SBF1: variants seen among roughly 807,000 people sequenced by gnomAD.
SBF1 encodes SET binding factor 1, also known as myotubularin-related protein 5.
In SBF1, 65 loss-of-function variants were observed where a neutral mutation model predicts 215.8. The ratio of observed to expected loss-of-function variants is 0.30; its 90% confidence interval spans 0.25 to 0.37. The LOEUF is 0.37. Among genes scored for constraint, SBF1 ranks in the 10% least tolerant of loss-of-function variants. The probability of loss-of-function intolerance (pLI) is 1.00; values close to 1 mark genes in which losing one functional copy is unlikely to be tolerated. For missense variants in SBF1, 2,634 were observed against 2,667.8 expected (o/e 0.99, Z 0.28); for synonymous variants, 1,410 against 1,122.8 (o/e 1.26, Z -5.11).
intron 1 of SBF1, 141 bp from the exon 2 acceptor site, chr22:50,468,602 C>T (rs548623475): frequency 1.2e-4 from 70 of 600,600 alleles, no homozygotes; most frequent in Non-Finnish European, 1.8e-4. Flanking sequence ...AAAATAGCTC[C>T]GTATGGAGAG....
intron 36 of SBF1, among the ~76,000 whole-genome samples, chr22:50,451,670 G>A (rs965201828): frequency 1.3e-5 from 2 of 152,012 alleles, no homozygotes; most frequent in Non-Finnish European, 2.9e-5. Flanking sequence ...AATTGCTGAA[G>A]CCAAAATTAA....
Position 50,465,845 on chromosome 22 carries a change from C to T in SBF1, c.1012-5G>A. On this transcript the variant is annotated splice_polypyrimidine_tract_variant and splice_region_variant and intron_variant, in intron 9 of 40. Coordinates refer to ENST00000380817, the MANE Select transcript of SBF1 (RefSeq NM_002972.4). ...CTCCAGCTCCGGGTCCAGGACCTGC[C>T]AGCACAGAATGGAGCAGGCAGCTGC... 6.2e-7 allele frequency: 1 copy of T among 1,613,168 alleles called. No homozygotes were observed. The highest frequency in any genetic ancestry group is 1.1e-5 in the South Asian group (1 of 91,016).
Position 50,455,025 on chromosome 22 carries a change from T to C in SBF1, c.4672A>G (p.Ile1558Val), listed in dbSNP as rs2067192337. 1.9e-6 allele frequency: 3 copies of C among 1,613,890 alleles called. No individual in the cohort carries two copies. The highest frequency in any genetic ancestry group is 1.3e-5 in the African/African-American group (1 of 74,904). The stretch of plus-strand genomic sequence containing the variant: ...CCGACTCCCCACATACCCAGCTCAA[T>C]GCGCTCATAGTCAGAGTCGAGCAGG... ...TFLLDSDYER[I>V]ELGLLYEEKG... The change falls in exon 34 of 41, where the codon ATT (isoleucine) becomes GTT (valine). Residue 1558 changes from isoleucine (I) to valine (V), a missense_variant. Transcript: ENST00000380817.
At position 50,455,487 on chromosome 22, in the gene SBF1, G is replaced by C. The variant is rs2067211942; in HGVS notation, c.4362C>G (p.Thr1454=). The C allele has an allele frequency of 6.2e-7, 1 of 1,610,020 alleles. No individual in the cohort carries two copies. The highest frequency in any genetic ancestry group is 8.5e-7 in the Non-Finnish European group (1 of 1,178,568). Residue 1454 remains threonine (T), a synonymous_variant, in exon 32 of 41, where the codon ACC becomes ACG. Transcript: ENST00000380817. ...LVGLEDGWDI[T]TQVVSLVQLL... ...AGCCCCACGCGCCACACACCTGGGT[G>C]GTGATGTCCCAGCCATCCTCCAGGC...
chr22:50,466,066 C>A lies in SBF1; in HGVS notation c.906G>T (p.Val302=), dbSNP rs1225525800. 2.5e-6 allele frequency: 4 copies of A among 1,613,736 alleles called. No homozygotes were observed. The highest frequency in any genetic ancestry group is 3.3e-5 in the Admixed American group (2 of 60,016). Residue 302 remains valine, a synonymous_variant, in exon 9 of 41, where the codon GTG becomes GTT. Transcript: ENST00000380817. ...FQAETQELLD[V]IVADLDGGTV... The stretch of plus-strand genomic sequence containing the variant: ...TCCCTCCATCCAGATCAGCAACAAT[C>A]ACATCGAGCTGCGGACCAAGGGAGC...
chr22:50,460,122 G>C lies in SBF1; in HGVS notation c.3321C>G (p.Ser1107=). ...TGCGGTCGGAGGGCTTCAGGGCTGA[G>C]GACGGGGTCAGCGTGCTGGGCTCCA... is the stretch of plus-strand genomic sequence containing the variant. ...EELEPSTLTP[S]SALKPSDRMT... is the part of the protein sequence containing the mutation. The change falls in exon 26 of 41, where the codon TCC becomes TCG. Residue 1107 remains serine, a synonymous_variant. Transcript: ENST00000380817. The C allele has an allele frequency of 6.2e-7, 1 of 1,613,052 alleles. No homozygotes were observed. Among genetic ancestry groups the C allele is most frequent in the Non-Finnish European group, 8.5e-7 (1 of 1,179,988 alleles).
chr22:50,460,351 G>A lies in SBF1; in HGVS notation c.3204C>T (p.Val1068=), dbSNP rs746128404. The A allele has an allele frequency of 1.1e-5, 18 of 1,613,514 alleles. No individual in the cohort carries two copies. The highest frequency in any genetic ancestry group is 4.5e-5 in the East Asian group (2 of 44,884). ...TGGGGGGGTTGTACTTCTTGCGAGT[G>A]ACATGCTGCCGCCCGATGGTCTTCT... ...NAKKTIGRQH[V]TRKKYNPPSW... is the part of the protein sequence containing the mutation. Residue 1068 remains valine, a synonymous_variant, in exon 25 of 41, where the codon GTC becomes GTT. Transcript: ENST00000380817.
At position 50,446,979 on chromosome 22, in the gene SBF1, C is replaced by G. The variant is rs373336150; in HGVS notation, c.*163G>C. ...GACGCCAAAATAAGTTAGGGCCGGC[C>G]GGGCGGGGCGGGGCGGGGACGGGGG... On this transcript the variant is annotated 3_prime_UTR_variant, in exon 41 of 41. Coordinates refer to ENST00000380817, the MANE Select transcript of SBF1 (RefSeq NM_002972.4). 1.1e-5 allele frequency: 8 copies of G among 720,716 alleles called. No homozygotes were observed. The highest frequency in any genetic ancestry group is 8.9e-5 in the African/African-American group (5 of 56,090). 44.6% of individuals were successfully genotyped at this position (720,716 alleles called of 1,614,324 possible). A position where few individuals can be genotyped will look rare whatever the true frequency, so the allele number is the denominator to read the frequency against.
Position 50,461,254 on chromosome 22 carries a change from C to A in SBF1, c.2872G>T (p.Val958Leu). 1 of 1,613,096 alleles carries A rather than the reference C, an allele frequency of 6.2e-7. No individual in the cohort carries two copies. The highest frequency in any genetic ancestry group is 8.5e-7 in the Non-Finnish European group (1 of 1,179,462). Residue 958 changes from valine to leucine, a missense_variant, in exon 23 of 41, where the codon GTG becomes TTG. Coordinates refer to ENST00000380817, the MANE Select transcript of SBF1 (RefSeq NM_002972.4). ...GEQVVVRSFP[V>L]AALTKEKRIS... is the part of the protein sequence containing the mutation. ...CGCTTCTCCTTGGTCAGCGCAGCCACCGGGAAGGAGCGGACCACCACCTGC... is the reference window on the plus strand; with the variant it reads ...CGCTTCTCCTTGGTCAGCGCAGCCAACGGGAAGGAGCGGACCACCACCTGC...
At position 50,465,322 on chromosome 22, in the gene SBF1, CCTT is replaced by C; in HGVS notation, c.1093_1095del (p.Lys365del). 1 of 1,586,622 alleles carries C rather than the reference CCTT, an allele frequency of 6.3e-7. No homozygotes were observed. The highest frequency in any genetic ancestry group is 8.6e-7 in the Non-Finnish European group (1 of 1,167,156). On this transcript the variant is annotated inframe_deletion, in exon 11 of 41. Transcript: ENST00000380817. Reference sequence around the variant, plus strand: ...AGCCGCAGGAAGACCGCGCGCAGCTCCTTGTCCTGGGAGAAGAGCTGAGTGCAG... The same window carrying C: ...AGCCGCAGGAAGACCGCGCGCAGCTCGTCCTGGGAGAAGAGCTGAGTGCAG...
rs182956712 is a variant in SBF1 at position 50,460,416 on chromosome 22, C to G, written c.3147-8G>C. ...AGGTTCCGGGACAGGGTTCTGAGGC[C>G]CACGAGAGTCAGCAAAGGTGAGAGG... On this transcript the variant is annotated splice_polypyrimidine_tract_variant and splice_region_variant and intron_variant, in intron 24 of 40. Transcript: ENST00000380817. 422 of 1,607,164 alleles carry G rather than the reference C, an allele frequency of 2.6e-4. 2 individuals are homozygous for G. Among genetic ancestry groups the G allele is most frequent in the East Asian group, 1.7e-3 (76 of 44,764 alleles).
At chr22:50,472,004 A>G (rs2068013391) in intron 1 of SBF1, among the ~76,000 whole-genome samples, 1 of 152,206 alleles carries the variant, frequency 6.6e-6, no homozygotes, top group Non-Finnish European at 1.5e-5. Flanking sequence ...GGCCAGATCA[A>G]ATGTGTCTCC....
rs758415526 is a variant in SBF1, at chr22:50,460,125, C to T, written c.3318G>A (p.Pro1106=). The T allele has an allele frequency of 8.7e-6, 14 of 1,612,642 alleles. No homozygotes were observed. Among genetic ancestry groups the T allele is most frequent in the African/African-American group, 5.3e-5 (4 of 74,914 alleles). The change falls in exon 26 of 41, where the codon CCG becomes CCA. Residue 1106 remains proline (P), a synonymous_variant. Coordinates refer to ENST00000380817, the MANE Select transcript of SBF1 (RefSeq NM_002972.4). ...GGTCGGAGGGCTTCAGGGCTGAGGA[C>T]GGGGTCAGCGTGCTGGGCTCCAGCT... ...SEELEPSTLT[P]SSALKPSDRM...
chr22:50,457,063 G>A lies in SBF1; in HGVS notation c.3875C>T (p.Ala1292Val). 1 of 1,473,000 alleles carries A rather than the reference G, an allele frequency of 6.8e-7. No individual in the cohort carries two copies. The highest frequency in any genetic ancestry group is 1.5e-5 in the African/African-American group (1 of 67,824). The allele number at this position is 1,473,000 out of a possible 1,614,324, so 91.2% of individuals were successfully genotyped here. Reference protein sequence around the residue: ...RVTTLSNPMAASASRRTAPRG... With the variant: ...RVTTLSNPMAVSASRRTAPRG... The stretch of plus-strand genomic sequence containing the variant: ...GGGTGCGGTCCGTCTGGAGGCCGAG[G>A]CCGCCATGGGGTTGGACAGCGTGGT... The change falls in exon 29 of 41, where the codon GCC (alanine) becomes GTC (valine). Residue 1292 changes from alanine (A) to valine (V), a missense_variant. Physicochemically the swap from Ala to Val is moderately conservative, Grantham distance 64 (BLOSUM62 0). Transcript: ENST00000380817.
At position 50,461,694 on chromosome 22, in the gene SBF1, G is replaced by C. The variant is rs1190417934; in HGVS notation, c.2668C>G (p.Leu890Val). The C allele has an allele frequency of 6.8e-6, 11 of 1,609,576 alleles. No homozygotes were observed. The highest frequency in any genetic ancestry group is 8.5e-6 in the Non-Finnish European group (10 of 1,179,028). The stretch of plus-strand genomic sequence containing the variant: ...TCCAGCACACACTCCTCACCCGGCA[G>C]CAGGCGCGGCCGCAGCAGCTTGGGC... ...QKPKLLRPRL[L>V]PGEECVLDGL... The change falls in exon 22 of 41, where the codon CTG becomes GTG. Residue 890 changes from leucine to valine, a missense_variant. Transcript: ENST00000380817.
rs9617013 is a variant in SBF1 at position 50,460,117 on chromosome 22, G to A, written c.3326C>T (p.Ala1109Val). ...LEPSTLTPSSALKPSDRMTMS... is the reference protein window; with the variant it reads ...LEPSTLTPSSVLKPSDRMTMS... Reference sequence around the variant, plus strand: ...GGTCATGCGGTCGGAGGGCTTCAGGGCTGAGGACGGGGTCAGCGTGCTGGG... The same window carrying A: ...GGTCATGCGGTCGGAGGGCTTCAGGACTGAGGACGGGGTCAGCGTGCTGGG... Residue 1109 changes from alanine (A) to valine (V), a missense_variant, in exon 26 of 41, where the codon GCC (alanine) becomes GTC (valine). Ala to Val is a moderately conservative substitution (Grantham distance 64). Transcript: ENST00000380817. The A allele has an allele frequency of 5.6e-6, 9 of 1,613,118 alleles. No individual in the cohort carries two copies. Among genetic ancestry groups the A allele is most frequent in the Non-Finnish European group, 7.6e-6 (9 of 1,179,980 alleles).
At position 50,446,548 on chromosome 22, in the gene SBF1, C is replaced by T; in HGVS notation, c.*594G>A. ...GTAGGGATGGGGGCTTCCTCTCCAG[C>T]CGTGCCGGCCCCTAGACCAGCCCTG... On this transcript the variant is annotated 3_prime_UTR_variant, in exon 41 of 41. Coordinates refer to ENST00000380817, the MANE Select transcript of SBF1 (RefSeq NM_002972.4). 1 of 271,960 alleles carries T rather than the reference C, an allele frequency of 3.7e-6. No individual in the cohort carries two copies. The highest frequency in any genetic ancestry group is 7.4e-6 in the Non-Finnish European group (1 of 135,634). The allele number at this position is 271,960 out of a possible 1,614,324, so 16.8% of individuals were successfully genotyped here.
chr22:50,467,614 G>A lies in SBF1; in HGVS notation c.356C>T (p.Thr119Ile), dbSNP rs762008761. 9.3e-6 allele frequency: 15 copies of A among 1,614,010 alleles called. No homozygotes were observed. The South Asian group carries it at 1.5e-4, about 17-fold the overall frequency. ...CAGCTGGGCAGATGGGGCAGGTGCT[G>A]TGGGAGACAGGTGGGTCTGGCCTCC... The part of the protein sequence containing the change: ...DEGGQTHLSP[T>I]APAPSAQLFA... The change falls in exon 4 of 41, where the codon ACA becomes ATA. Residue 119 changes from threonine to isoleucine, a missense_variant. By Grantham distance (89) the Thr-to-Ile change is moderately conservative. Coordinates refer to ENST00000380817, the MANE Select transcript of SBF1 (RefSeq NM_002972.4).
At chr22:50,467,218 G>T in intron 5 of SBF1, 120 bp downstream of exon 5, 3 of 779,862 alleles carry the variant, frequency 3.8e-6, no homozygotes, top group Non-Finnish European at 6.3e-6. Flanking sequence ...GCACGAGGAC[G>T]CAAGAGGGAG....
Sources: gnomAD v4.1 joint callset for allele counts (sites outside exome capture counted in the v4.1 genomes callset) on GRCh38, gnomAD v4.1.1 for gene constraint, MANE v1.5 for transcripts, NCBI Gene and HGNC (gene_info 2026-07-23, HGNC 2026-07-21) for gene names.